The following AFG2A variants were observed in gnomAD, a reference collection of about 807,000 sequenced individuals.
AFG2A encodes the protein ATPase family gene 2 protein homolog A.
At chr4:123,033,646 G>T in the AFG2A span, among the ~76,000 whole-genome samples, 2 of 152,162 alleles carry the variant, frequency 1.3e-5, no homozygotes, top group Admixed American at 6.5e-5. Flanking sequence ...ATAATGGGGA[G>T]CTTAAAATTT....
chr4:123,068,460 C>G, the AFG2A span, among the ~76,000 whole-genome samples: 1 of 152,084 alleles, frequency 6.6e-6, no homozygotes, highest in African/African-American at 2.4e-5. Flanking sequence ...GTTTCACTGC[C>G]TTTTATTTAG....
the AFG2A span, among the ~76,000 whole-genome samples, chr4:123,061,644 G>T: frequency 2.0e-5 from 3 of 152,178 alleles, no homozygotes; most frequent in Admixed American, 6.5e-5. Flanking sequence ...TTCAAGGTGA[G>T]ACTTGGTTGG....
the AFG2A span, among the ~76,000 whole-genome samples, chr4:123,004,294 G>T: frequency 6.6e-6 from 1 of 152,174 alleles, no homozygotes; most frequent in Admixed American, 6.5e-5. Context: ...GCTTCGGCCG[G>T]CACACGGTGC....
At chr4:123,067,224 T>C in the AFG2A span, among the ~76,000 whole-genome samples, 1 of 151,968 alleles carries the variant, frequency 6.6e-6, no homozygotes, top group Non-Finnish European at 1.5e-5. Flanking sequence ...TGTGTGAGAT[T>C]TTAAGAAAAT....
At chr4:123,122,060 A>G in the AFG2A span, among the ~76,000 whole-genome samples, 1 of 152,028 alleles carries the variant, frequency 6.6e-6, no homozygotes, top group African/African-American at 2.4e-5. Flanking sequence ...TTGTTTGATT[A>G]TTTGTTGTTT....
chr4:123,229,249 G>C, the AFG2A span, among the ~76,000 whole-genome samples: 1 of 152,110 alleles, frequency 6.6e-6, no homozygotes, highest in African/African-American at 2.4e-5. Context: ...AGGCTTCCCT[G>C]AGTTATTGAT....
chr4:123,029,715 G>C, the AFG2A span, among the ~76,000 whole-genome samples: 1 of 152,096 alleles, frequency 6.6e-6, no homozygotes, highest in Non-Finnish European at 1.5e-5. Context: ...ATAGCTCACT[G>C]TAACCTCAAA....
the AFG2A span, among the ~76,000 whole-genome samples, chr4:123,004,385 C>T: frequency 6.6e-6 from 1 of 152,228 alleles, no homozygotes; most frequent in Non-Finnish European, 1.5e-5. Context: ...ATGCAGAAAT[C>T]CCTCATCTTC....
the AFG2A span, among the ~76,000 whole-genome samples, chr4:123,000,200 T>G: frequency 2.0e-5 from 3 of 150,668 alleles, no homozygotes; most frequent in African/African-American, 7.3e-5. Flanking sequence ...TAAGGAAGTT[T>G]TGGGCTGAGA....
the AFG2A span, chr4:123,028,056 G>T: frequency 2.8e-6 from 2 of 726,264 alleles, no homozygotes; most frequent in Non-Finnish European, 4.4e-6. Flanking sequence ...ATTTTTTAAA[G>T]GATTTTCCTG....
the AFG2A span, among the ~76,000 whole-genome samples, chr4:122,962,133 G>A: frequency 6.6e-6 from 1 of 152,170 alleles, no homozygotes; most frequent in Non-Finnish European, 1.5e-5. Context: ...GAGAATTAAT[G>A]CTACTGCTGA....
the AFG2A span, among the ~76,000 whole-genome samples, chr4:122,948,935 G>A: frequency 6.6e-6 from 1 of 152,176 alleles, no homozygotes; most frequent in African/African-American, 2.4e-5. Context: ...AGATGCTGCA[G>A]TAGCAATATA....
At chr4:123,074,285 A>C in the AFG2A span, among the ~76,000 whole-genome samples, 1 of 151,632 alleles carries the variant, frequency 6.6e-6, no homozygotes, top group African/African-American at 2.4e-5. Flanking sequence ...TAATAGAGAC[A>C]GAGTTTCAGC....
chr4:122,950,339 A>AT, the AFG2A span, among the ~76,000 whole-genome samples: 4 of 103,622 alleles, frequency 3.9e-5, no homozygotes, highest in East Asian at 4.8e-4. Context: ...AGTCATTGTT[A>AT]ATTTTTTTTT....
the AFG2A span, among the ~76,000 whole-genome samples, chr4:123,015,897 C>T: frequency 2.1e-5 from 1 of 48,116 alleles, no homozygotes; most frequent in African/African-American, 4.7e-5. Context: ...GGGCGGCTGG[C>T]CGGGCAGAGG....
At chr4:122,954,205 C>T in the AFG2A span, among the ~76,000 whole-genome samples, 1 of 152,152 alleles carries the variant, frequency 6.6e-6, no homozygotes, top group Non-Finnish European at 1.5e-5. Context: ...GGCTGGGTGG[C>T]ATGCGATGTA....
the AFG2A span, among the ~76,000 whole-genome samples, chr4:123,189,947 A>G: frequency 6.6e-6 from 1 of 150,530 alleles, no homozygotes; most frequent in Admixed American, 6.7e-5. Context: ...CTGGAACCAC[A>G]GGCGTGCACC....
At chr4:123,007,550 ATGTGTGTGTGTGTGTATATGTGTGTGTG>A in the AFG2A span, among the ~76,000 whole-genome samples, 96 of 89,682 alleles carry the variant, frequency 1.1e-3, 1 homozygote, top group African/African-American at 3.6e-3. Context: ...ATGTGTATGT[ATGTGTGTGTGTGTGTATATGTGTGTGTG>A]TGTGTGTGTG....
chr4:123,003,880 CTT>C, the AFG2A span, among the ~76,000 whole-genome samples: 1 of 152,148 alleles, frequency 6.6e-6, no homozygotes, highest in African/African-American at 2.4e-5. Flanking sequence ...TTACTGCTGT[CTT>C]TTTGTTTGTC....
Sources: gnomAD v4.1 joint callset for allele counts (sites outside exome capture counted in the v4.1 genomes callset) on GRCh38, gnomAD v4.1.1 for gene constraint, MANE v1.5 for transcripts, NCBI Gene and HGNC (gene_info 2026-07-23, HGNC 2026-07-21) for gene names.